NAV2: variants seen among roughly 807,000 people sequenced by gnomAD.
The protein encoded by NAV2 is neuron navigator 2.
In NAV2, 54 loss-of-function variants were observed where a neutral mutation model predicts 223.2. That is an observed-to-expected ratio of 0.24 (90% CI 0.19 to 0.30). The LOEUF is 0.30. Among genes scored for constraint, NAV2 ranks in the 10% least tolerant of loss-of-function variants. The pLI is 1.00. For missense variants in NAV2, 2,806 were observed against 3,147.5 expected, an observed-to-expected ratio of 0.89 and a Z score of 2.60; for synonymous variants, 1,279 against 1,239.3, an observed-to-expected ratio of 1.03 and a Z score of -0.67.
At chr11:19,636,946 G>A (rs978560871) in intron 1 of NAV2, among the ~76,000 whole-genome samples, 1 of 152,228 alleles carries the variant, frequency 6.6e-6, no homozygotes, top group African/African-American at 2.4e-5. Context: ...CTTCAGTGCT[G>A]AAAATTAAAA....
rs1852379182 is a variant in NAV2 at position 19,467,002 on chromosome 11, CACACACACACACACACAG to C, written c.75+115977_75+115994del. ...CTCTCTCTACACACACACACACACA[CACACACACACACACACAG>C]AGAGAGAGAGAGAGAGAGAGAGAGA... On this transcript the variant is annotated intron_variant, in intron 1 of 37. Coordinates refer to the NAV2 transcript ENST00000360655. Among the ~76,000 whole-genome samples, 3 of 129,262 alleles carry C rather than the reference CACACACACACACACACAG, an allele frequency of 2.3e-5. No individual in the cohort carries two copies. The South Asian group carries it at 8.7e-4, about 37-fold the overall frequency. 84.8% of individuals were successfully genotyped at this position (129,262 alleles called of 152,430 possible). A position where few individuals can be genotyped will look rare whatever the true frequency, so the allele number is the denominator to read the frequency against.
intron 1 of NAV2, among the ~76,000 whole-genome samples, chr11:19,525,174 C>T (rs1292113470): frequency 6.6e-6 from 1 of 152,202 alleles, no homozygotes; most frequent in Non-Finnish European, 1.5e-5. Context: ...AAGGATCTTA[C>T]TGTCCAACCT....
intron 1 of NAV2, among the ~76,000 whole-genome samples, chr11:19,487,401 C>A (rs1039422729): frequency 6.6e-6 from 1 of 152,154 alleles, no homozygotes; most frequent in Non-Finnish European, 1.5e-5. Flanking sequence ...AGTATTCACC[C>A]CTCGGGTAAT....
chr11:19,694,498 A>T (rs1339613442), intron 1 of NAV2, among the ~76,000 whole-genome samples: 2 of 152,204 alleles, frequency 1.3e-5, no homozygotes, highest in Non-Finnish European at 2.9e-5. Flanking sequence ...TTCAGGGTCC[A>T]CTGGAGGGAG....
At chr11:20,040,049 G>A (rs773766592) in intron 12 of NAV2, among the ~76,000 whole-genome samples, 1 of 152,226 alleles carries the variant, frequency 6.6e-6, no homozygotes, top group Non-Finnish European at 1.5e-5. Flanking sequence ...CACAGCCTGA[G>A]AGGATAAGAT....
In NAV2 at chr11:20,091,481, G is replaced by A. The variant is rs562118294; in HGVS notation, c.5652+463G>A. ...AAGTTAGACCCTTCCCTTAATGCTCGGCCTGATTCCTTTCCAAGTCTTGCA... is the reference window on the plus strand; with the variant it reads ...AAGTTAGACCCTTCCCTTAATGCTCAGCCTGATTCCTTTCCAAGTCTTGCA... On this transcript the variant is annotated intron_variant, in intron 27 of 37. Coordinates refer to ENST00000349880, the MANE Select transcript of NAV2 (RefSeq NM_145117.5). 1.9e-3 allele frequency among the ~76,000 whole-genome samples: 290 copies of A among 152,136 alleles called. 3 individuals carry two copies. The highest frequency in any genetic ancestry group is 3.2e-3 in the Non-Finnish European group (217 of 68,016).
intron 1 of NAV2, among the ~76,000 whole-genome samples, chr11:19,411,274 C>T (rs1458275378): frequency 6.6e-6 from 1 of 152,176 alleles, no homozygotes; most frequent in Non-Finnish European, 1.5e-5. Context: ...GCTAATTTGA[C>T]CTCCTGAAGC....
chr11:19,657,058 G>A (rs1303993274), intron 1 of NAV2, among the ~76,000 whole-genome samples: 1 of 152,190 alleles, frequency 6.6e-6, no homozygotes, highest in Non-Finnish European at 1.5e-5. Context: ...TCTTCTAGAT[G>A]TCCAAGTGGT....
chr11:19,735,413 A>G lies in NAV2; in HGVS notation c.267+21451A>G, dbSNP rs145823035. 2.2e-4 allele frequency among the ~76,000 whole-genome samples: 33 copies of G among 152,322 alleles called. 1 individual carries two copies. Among genetic ancestry groups the G allele is most frequent in the South Asian group, 1.2e-3 (6 of 4,826 alleles). On this transcript the variant is annotated intron_variant, in intron 1 of 37. Transcript: ENST00000349880. ...TTGTACAATTCCTTTTCAGCCCCCAAAGATCTATATCAGAGGTAATAGTAG... is the reference window on the plus strand; with the variant it reads ...TTGTACAATTCCTTTTCAGCCCCCAGAGATCTATATCAGAGGTAATAGTAG...
intron 1 of NAV2, among the ~76,000 whole-genome samples, chr11:19,687,867 C>T (rs566304927): frequency 3.3e-5 from 5 of 152,270 alleles, no homozygotes; most frequent in Non-Finnish European, 7.3e-5. Flanking sequence ...AAATGAGTGC[C>T]TCAACCTCTT....
chr11:19,712,697 G>C (rs889044897), upstream of NAV2: 1 of 151,306 alleles, frequency 6.6e-6, no homozygotes, highest in Non-Finnish European at 1.5e-5. Flanking sequence ...CGGCCCCAGA[G>C]TTTCGGCGGC....
intron 1 of NAV2, among the ~76,000 whole-genome samples, chr11:19,600,661 A>G (rs1178931464): frequency 1.3e-5 from 2 of 152,176 alleles, no homozygotes; most frequent in Non-Finnish European, 2.9e-5. Context: ...CTTGAGCCTC[A>G]ATTTCTATAG....
At chr11:19,628,828 T>A (rs2047254661) in intron 1 of NAV2, among the ~76,000 whole-genome samples, 1 of 152,172 alleles carries the variant, frequency 6.6e-6, no homozygotes, top group Non-Finnish European at 1.5e-5. Flanking sequence ...TCTGGAATCA[T>A]TGATTACCAT....
chr11:19,683,830 A>G (rs1361185693), intron 1 of NAV2, among the ~76,000 whole-genome samples: 1 of 152,262 alleles, frequency 6.6e-6, no homozygotes, highest in African/African-American at 2.4e-5. Flanking sequence ...AGGAGGGAGA[A>G]AACTCAGGAT....
At chr11:19,813,051 A>G (rs1286592779) in intron 1 of NAV2, among the ~76,000 whole-genome samples, 2 of 152,196 alleles carry the variant, frequency 1.3e-5, no homozygotes, top group African/African-American at 2.4e-5. Flanking sequence ...TAGCCTTTTC[A>G]TAACCTCTAC....
intron 11 of NAV2, among the ~76,000 whole-genome samples, chr11:20,005,685 C>G (rs2053008699): frequency 6.6e-6 from 1 of 152,152 alleles, no homozygotes; most frequent in South Asian, 2.1e-4. Context: ...AGGCAGTGAG[C>G]TGAATGCTCA....
rs1166485329 is a variant in NAV2, at chr11:19,777,093, ACC to A, written c.268-55381_268-55380del. On this transcript the variant is annotated intron_variant, in intron 1 of 37. Coordinates refer to ENST00000349880, the MANE Select transcript of NAV2 (RefSeq NM_145117.5). ...GGGGCGGGGAACTCACCAGCCGCCG[ACC>A]CCCCCCCCCACCCCGCCCTCGGCCG... 6.5e-4 allele frequency among the ~76,000 whole-genome samples: 82 copies of A among 126,196 alleles called. 2 individuals are homozygous for A. The highest frequency in any genetic ancestry group is 1.6e-3 in the African/African-American group (58 of 36,084). 82.8% of individuals were successfully genotyped at this position (126,196 alleles called of 152,430 possible). A position where few individuals can be genotyped will look rare whatever the true frequency, so the allele number is the denominator to read the frequency against.
intron 6 of NAV2, among the ~76,000 whole-genome samples, chr11:19,914,362 A>G (rs2043592904): frequency 6.6e-6 from 1 of 152,182 alleles, no homozygotes; most frequent in African/African-American, 2.4e-5. Flanking sequence ...CTTACAGGTC[A>G]TGTATCTTCA....
At chr11:19,901,055 A>G (rs2042403716) in intron 6 of NAV2, among the ~76,000 whole-genome samples, 1 of 152,226 alleles carries the variant, frequency 6.6e-6, no homozygotes, top group Non-Finnish European at 1.5e-5. Flanking sequence ...TTGTCTCTCA[A>G]GGTGTGATTC....
Sources: gnomAD v4.1 joint callset for allele counts (sites outside exome capture counted in the v4.1 genomes callset) on GRCh38, gnomAD v4.1.1 for gene constraint, MANE v1.5 for transcripts, NCBI Gene and HGNC (gene_info 2026-07-23, HGNC 2026-07-21) for gene names.